The following GABBR2 variants were observed in gnomAD, a reference collection of about 807,000 sequenced individuals.
The protein encoded by GABBR2 is gamma-aminobutyric acid type B receptor subunit 2, also known as G-protein coupled receptor 51.
Under a neutral mutation model 105.6 loss-of-function variants are expected in GABBR2, and 23 were observed. That is an observed-to-expected ratio of 0.22 (90% CI 0.16 to 0.31). The LOEUF (loss-of-function observed/expected upper bound fraction) is 0.31. GABBR2 is among the 10% of genes least tolerant of loss of function. GABBR2 has a pLI of 1.00. For synonymous variants in GABBR2, 478 were observed against 499.7 expected, an observed-to-expected ratio of 0.96 and a Z score of 0.58; for missense variants, 734 against 1,245.5, an observed-to-expected ratio of 0.59 and a Z score of 6.18.
At chr9:98,394,391 T>G (rs1236656672) in intron 8 of GABBR2, 136 bp from the exon 9 acceptor site, 2 of 650,718 alleles carry the variant, frequency 3.1e-6, no homozygotes, top group Non-Finnish European at 5.6e-6. Flanking sequence ...ATGCCTCTTC[T>G]GGTTAGAATC....
At chr9:98,604,136 G>T (rs941495284) in intron 1 of GABBR2, among the ~76,000 whole-genome samples, 4 of 152,148 alleles carry the variant, frequency 2.6e-5, no homozygotes, top group Non-Finnish European at 5.9e-5. Context: ...CTTCCCAAGC[G>T]CTATTCCAGA....
At chr9:98,620,731 G>A (rs1829657695) in intron 1 of GABBR2, among the ~76,000 whole-genome samples, 1 of 152,146 alleles carries the variant, frequency 6.6e-6, no homozygotes, top group Non-Finnish European at 1.5e-5. Flanking sequence ...TTCATTATCT[G>A]TAATTGACGG....
At chr9:98,559,727 G>T (rs1222312330) in intron 2 of GABBR2, among the ~76,000 whole-genome samples, 1 of 152,216 alleles carries the variant, frequency 6.6e-6, no homozygotes, top group East Asian at 1.9e-4. Flanking sequence ...GCACAAATGT[G>T]ACAATGTGGC....
At chr9:98,664,924 G>A (rs1830313444) in intron 1 of GABBR2, among the ~76,000 whole-genome samples, 1 of 151,330 alleles carries the variant, frequency 6.6e-6, no homozygotes, top group African/African-American at 2.4e-5. Context: ...CCAGGAGTTT[G>A]AGACCAGACT....
intron 1 of GABBR2, among the ~76,000 whole-genome samples, chr9:98,617,075 G>T (rs1193769381): frequency 6.6e-6 from 1 of 152,108 alleles, no homozygotes; most frequent in Non-Finnish European, 1.5e-5. Context: ...GTATAAATGA[G>T]ACCTAGAATT....
intron 7 of GABBR2, among the ~76,000 whole-genome samples, chr9:98,419,609 G>C (rs1162887706): frequency 1.3e-5 from 2 of 152,186 alleles, no homozygotes; most frequent in Non-Finnish European, 2.9e-5. Context: ...ACCCAAGGGT[G>C]GCTGCGGAGG....
intron 1 of GABBR2, among the ~76,000 whole-genome samples, chr9:98,700,154 C>G (rs1172372769): frequency 6.6e-6 from 1 of 152,164 alleles, no homozygotes; most frequent in Non-Finnish European, 1.5e-5. Context: ...GTGAGCTCCT[C>G]AAGGGCAGGA....
chr9:98,306,160 G>A lies in GABBR2; in HGVS notation c.2190C>T (p.Phe730=), dbSNP rs2131354850. The change falls in exon 15 of 19, where the codon TTC becomes TTT. Residue 730 remains phenylalanine (F), a synonymous_variant. Coordinates refer to ENST00000259455, the MANE Select transcript of GABBR2 (RefSeq NM_005458.8). This position sits in a 1 kb window ranked among gnomAD's most constrained non-coding sequence, Gnocchi z 5.4. ...CCAGGCAGAGGGTGATGGTGCTGCA[G>A]AAGATGATGACCAGAGCCACGATGC... ...QFCIVALVII[F]CSTITLCLVF... 6.2e-7 allele frequency: 1 copy of A among 1,614,168 alleles called. No individual in the cohort carries two copies. Among genetic ancestry groups the A allele is most frequent in the Non-Finnish European group, 8.5e-7 (1 of 1,180,012 alleles).
intron 10 of GABBR2, among the ~76,000 whole-genome samples, 194 bp from the exon 11 acceptor site, chr9:98,385,966 A>G (rs1352714878): frequency 6.6e-6 from 1 of 152,200 alleles, no homozygotes; most frequent in Non-Finnish European, 1.5e-5. Context: ...ATTTTCCCCA[A>G]CACCCAGGTG....
chr9:98,612,614 C>A (rs544347114), intron 1 of GABBR2, among the ~76,000 whole-genome samples: 34 of 152,254 alleles, frequency 2.2e-4, no homozygotes, highest in Non-Finnish European at 4.7e-4. Flanking sequence ...ATTAAATTCA[C>A]ATTTTGAGGT....
intron 1 of GABBR2, among the ~76,000 whole-genome samples, chr9:98,683,459 C>T (rs1396339211): frequency 6.6e-6 from 1 of 152,142 alleles, no homozygotes; most frequent in East Asian, 1.9e-4. Context: ...GGAATAATAA[C>T]AGCTCCTACC....
chr9:98,578,172 G>A (rs1426333706), intron 1 of GABBR2, 100 bp from the exon 2 acceptor site: 3 of 1,346,620 alleles, frequency 2.2e-6, no homozygotes, highest in Non-Finnish European at 3.1e-6. Flanking sequence ...AAACCTTCTG[G>A]GTTTCAGTTC....
At position 98,407,164 on chromosome 9, in the gene GABBR2, G is replaced by C. The variant is rs528097337; in HGVS notation, c.1237-1023C>G. 6.6e-5 allele frequency among the ~76,000 whole-genome samples: 10 copies of C among 152,284 alleles called. No homozygotes were observed. The East Asian group carries it at 1.9e-3, about 29-fold the overall frequency. On this transcript the variant is annotated intron_variant, in intron 7 of 18. Coordinates refer to ENST00000259455, the MANE Select transcript of GABBR2 (RefSeq NM_005458.8). ...TTATTGTGAAATTAGGAAAAGAAAT[G>C]GTTTTAAAGGTATCCTGCTTTTCTC...
At chr9:98,415,752 G>A (rs746047993) in intron 7 of GABBR2, among the ~76,000 whole-genome samples, 21 of 152,334 alleles carry the variant, frequency 1.4e-4, no homozygotes, top group Admixed American at 3.3e-4. Context: ...ACTGGAAACT[G>A]AGAGCCTGAG....
chr9:98,375,007 T>A (rs1028639468), intron 11 of GABBR2: 1 of 152,154 alleles, frequency 6.6e-6, no homozygotes, highest in South Asian at 2.1e-4. Flanking sequence ...ACCAGACACC[T>A]ACTGCCAGGG....
intron 7 of GABBR2, among the ~76,000 whole-genome samples, chr9:98,416,931 T>C (rs914957725): frequency 6.6e-6 from 1 of 152,140 alleles, no homozygotes. Flanking sequence ...TACCATGTGG[T>C]TTTGGGACTT....
chr9:98,645,629 C>T (rs190307520), intron 1 of GABBR2, among the ~76,000 whole-genome samples: 47 of 152,262 alleles, frequency 3.1e-4, no homozygotes, highest in South Asian at 2.7e-3. Flanking sequence ...CCTGTGTATG[C>T]GAAAGCCCCA....
intron 6 of GABBR2, among the ~76,000 whole-genome samples, chr9:98,462,300 C>T (rs1826438060): frequency 6.6e-6 from 1 of 152,088 alleles, no homozygotes; most frequent in South Asian, 2.1e-4. Flanking sequence ...AAGACTAATA[C>T]ATTGGATTAC....
chr9:98,371,341 G>T (rs1831779164), intron 12 of GABBR2, 123 bp downstream of exon 12: 2 of 638,922 alleles, frequency 3.1e-6, no homozygotes, highest in African/African-American at 1.8e-5. Context: ...GTGGCAGGAG[G>T]TAGGGATTGT....
Sources: gnomAD v4.1 joint callset for allele counts (sites outside exome capture counted in the v4.1 genomes callset) on GRCh38, gnomAD v4.1.1 for gene constraint, Gnocchi (gnomAD v3.1) non-coding constraint, MANE v1.5 for transcripts, NCBI Gene and HGNC (gene_info 2026-07-23, HGNC 2026-07-21) for gene names.